Variants in ATXN2 observed in about 807,000 individuals in gnomAD.
ATXN2 encodes ataxin-2.
In ATXN2, 37 loss-of-function variants were observed where a neutral mutation model predicts 138.6. The ratio of observed to expected loss-of-function variants is 0.27; its 90% CI spans 0.21 to 0.35. ATXN2 has a LOEUF of 0.35. ATXN2 is among the 10% of genes least tolerant of loss of function. The probability of loss-of-function intolerance (pLI) is 1.00; values close to 1 mark genes in which losing one functional copy is unlikely to be tolerated. For synonymous variants in ATXN2, 549 were observed against 543.7 expected (o/e 1.01, Z -0.13); for missense variants, 1,216 against 1,480.3 (o/e 0.82, Z 2.93).
Position 111,516,474 on chromosome 12 carries a change from A to C in ATXN2, c.1166-111T>G. 1 of 1,034,602 alleles carries C rather than the reference A, an allele frequency of 9.7e-7. No individual in the cohort carries two copies. Among genetic ancestry groups the C allele is most frequent in the South Asian group, 1.6e-5 (1 of 61,084 alleles). The allele number at this position is 1,034,602 out of a possible 1,614,324, so 64.1% of individuals were successfully genotyped here. ...CAAAAATGATTTCTTGTACATTTTA[A>C]CCCTTTGAGGACAGTCATTTGATTT... On this transcript the variant is annotated intron_variant, in intron 9 of 24. Transcript: ENST00000673436. The surrounding 1 kb of genome is among the most constrained non-coding windows in gnomAD (Gnocchi z 5.0).
chr12:111,488,504 C>T lies in ATXN2; in HGVS notation c.2212G>A (p.Asp738Asn), dbSNP rs374319477. ...GCTGCGTCTTTCTTCTCTTCCTTAT[C>T]GTCTTTCTCTTGTTTACATGCTGGG... is the stretch of plus-strand genomic sequence containing the variant. The part of the protein sequence containing the change: ...SSPACKQEKD[D>N]KEEKKDAAEQ... Residue 738 changes from aspartate (D) to asparagine (N), a missense_variant, in exon 15 of 25, where the codon GAT becomes AAT. Around this residue, in one of 4 missense-constraint regions of ATXN2, gnomAD observed 490 missense variants for 653.5 expected, o/e 0.75. Transcript: ENST00000673436. 9.9e-6 allele frequency: 16 copies of T among 1,613,010 alleles called. No individual in the cohort carries two copies. The highest frequency in any genetic ancestry group is 2.2e-5 in the East Asian group (1 of 44,872).
chr12:111,598,975 C>A lies in ATXN2; in HGVS notation c.60G>T (p.Gln20His). The A allele has an allele frequency of 8.2e-7, 1 of 1,218,492 alleles. No homozygotes were observed. The highest frequency in any genetic ancestry group is 1.1e-6 in the Non-Finnish European group (1 of 912,546). The allele number at this position is 1,218,492 out of a possible 1,614,324, so 75.5% of individuals were successfully genotyped here. Residue 20 changes from glutamine to histidine, a missense_variant, in exon 1 of 25, where the codon CAG becomes CAT. Around this residue, in one of 4 missense-constraint regions of ATXN2, gnomAD observed 110 missense variants for 88.7 expected, o/e 1.24. Transcript: ENST00000673436. The surrounding 1 kb of genome is among the most constrained non-coding windows in gnomAD (Gnocchi z 4.5). ...QQQQQQQQQQQQQQQQQQQPP... is the reference protein window; with the variant it reads ...QQQQQQQQQQHQQQQQQQQPP... Reference sequence around the variant, plus strand: ...GCTGCTGCTGCTGCTGCTGCTGCTGCTGTTGCTGCTGCTGCTGCTGCTGCT... The same window carrying A: ...GCTGCTGCTGCTGCTGCTGCTGCTGATGTTGCTGCTGCTGCTGCTGCTGCT...
chr12:111,525,215 G>A lies in ATXN2; in HGVS notation c.673C>T (p.Leu225Phe). 6.2e-7 allele frequency: 1 copy of A among 1,612,092 alleles called. No individual in the cohort carries two copies. Among genetic ancestry groups the A allele is most frequent in the Non-Finnish European group, 8.5e-7 (1 of 1,179,560 alleles). Reference protein sequence around the residue: ...DAGELTANEELEALENDVSNG... With the variant: ...DAGELTANEEFEALENDVSNG... ...ACTACGTCATTTTCCAAAGCCTCAA[G>A]TTCCTCATTGGCTGTGAGTTCACCT... The change falls in exon 6 of 25, where the codon CTT becomes TTT. Residue 225 changes from leucine to phenylalanine, a missense_variant. This residue lies in a region of ATXN2 where 401 missense variants were observed against 528.1 expected (regional missense o/e 0.76). Coordinates refer to ENST00000673436, the MANE Select transcript of ATXN2 (RefSeq NM_001372574.1).
At chr12:111,535,894 G>T (rs1469005076) in intron 5 of ATXN2, among the ~76,000 whole-genome samples, 1 of 150,518 alleles carries the variant, frequency 6.6e-6, no homozygotes, top group Non-Finnish European at 1.5e-5. Flanking sequence ...CAGCTACTTG[G>T]GAGGCTGAGG....
At chr12:111,578,211 G>A (rs1287803589) in intron 1 of ATXN2, among the ~76,000 whole-genome samples, 1 of 152,038 alleles carries the variant, frequency 6.6e-6, no homozygotes, top group Non-Finnish European at 1.5e-5. Flanking sequence ...AACAAAATAA[G>A]AAAGATATTT....
Position 111,519,859 on chromosome 12 carries a change from T to A in ATXN2, c.986+20A>T, listed in dbSNP as rs373233037. The A allele has an allele frequency of 3.1e-6, 5 of 1,614,022 alleles. No homozygotes were observed. The African/African-American group carries it at 6.7e-5, about 22-fold the overall frequency. On this transcript the variant is annotated intron_variant, in intron 8 of 24. Coordinates refer to ENST00000673436, the MANE Select transcript of ATXN2 (RefSeq NM_001372574.1). Reference sequence around the variant, plus strand: ...TGAGTTGTGTATCCAAAATACTGCATCATGATTTCCTTTAAATACCTAGTG... The same window carrying A: ...TGAGTTGTGTATCCAAAATACTGCAACATGATTTCCTTTAAATACCTAGTG...
intron 1 of ATXN2, among the ~76,000 whole-genome samples, chr12:111,597,292 G>C (rs1393714293): frequency 6.6e-6 from 1 of 152,204 alleles, no homozygotes; most frequent in Non-Finnish European, 1.5e-5. Context: ...GAAATGGGTT[G>C]CTGAAAATGT....
rs924729351 is a variant in ATXN2, at chr12:111,576,775, C to T, written c.252-20856G>A. 3.3e-5 allele frequency among the ~76,000 whole-genome samples: 5 copies of T among 150,956 alleles called. 1 individual carries two copies. Among genetic ancestry groups the T allele is most frequent in the Admixed American group, 1.3e-4 (2 of 15,076 alleles). On this transcript the variant is annotated intron_variant, in intron 1 of 24. Coordinates refer to ENST00000673436, the MANE Select transcript of ATXN2 (RefSeq NM_001372574.1). ...GAGTTCGAGACCATCCCAGATAACA[C>T]GGCGAAACCCCATCTCTACTAAAAA...
At chr12:111,530,864 G>A (rs960764598) in intron 5 of ATXN2, among the ~76,000 whole-genome samples, 31 of 152,038 alleles carry the variant, frequency 2.0e-4, no homozygotes, top group Non-Finnish European at 3.7e-4. Context: ...AGTGGCTGAC[G>A]CCTGTAATCC....
chr12:111,542,403 G>C (rs969150321), intron 5 of ATXN2, among the ~76,000 whole-genome samples: 1 of 151,434 alleles, frequency 6.6e-6, no homozygotes, highest in African/African-American at 2.4e-5. Flanking sequence ...GCTAATTTTT[G>C]TATTTTTAGT....
At chr12:111,456,481 C>G (rs956454204) in intron 22 of ATXN2, among the ~76,000 whole-genome samples, 23 of 152,160 alleles carry the variant, frequency 1.5e-4, no homozygotes, top group African/African-American at 5.1e-4. Flanking sequence ...TTAGAAACTT[C>G]TGAGCATACA....
chr12:111,470,442 T>A lies in ATXN2; in HGVS notation c.2709+116A>T. ...ATATTGAAAAGGGTCCCCAAGTCCTTAGCTATCTACCCTACCATCACACAA... is the reference window on the plus strand; with the variant it reads ...ATATTGAAAAGGGTCCCCAAGTCCTAAGCTATCTACCCTACCATCACACAA... On this transcript the variant is annotated intron_variant, in intron 19 of 24. Coordinates refer to ENST00000673436, the MANE Select transcript of ATXN2 (RefSeq NM_001372574.1). 2.4e-6 allele frequency: 3 copies of A among 1,257,230 alleles called. 1 individual carries two copies. In the South Asian group the frequency reaches 4.4e-5, roughly 19 times the overall value. The allele number at this position is 1,257,230 out of a possible 1,614,324, so 77.9% of individuals were successfully genotyped here.
intron 18 of ATXN2, among the ~76,000 whole-genome samples, chr12:111,482,359 T>TAAAAA (rs1877304576): frequency 6.6e-6 from 1 of 151,950 alleles, no homozygotes; most frequent in South Asian, 2.1e-4. Flanking sequence ...CACGCTCAGC[T>TAAAAA]AATTGTTTGT....
Position 111,510,288 on chromosome 12 carries a change from T to C in ATXN2, c.1756+97A>G. Reference sequence around the variant, plus strand: ...AATGTGCACTAAAAATACTTGTCTATGAATAAAAATAACCTAGAATTTTTT... The same window carrying C: ...AATGTGCACTAAAAATACTTGTCTACGAATAAAAATAACCTAGAATTTTTT... On this transcript the variant is annotated intron_variant, in intron 12 of 24. Coordinates refer to ENST00000673436, the MANE Select transcript of ATXN2 (RefSeq NM_001372574.1). The C allele has an allele frequency of 5.3e-6, 7 of 1,324,058 alleles. No homozygotes were observed. In the South Asian group the frequency reaches 9.9e-5, roughly 19 times the overall value. The allele number at this position is 1,324,058 out of a possible 1,614,324, so 82.0% of individuals were successfully genotyped here.
At chr12:111,534,901 G>A (rs1376443250) in intron 5 of ATXN2, among the ~76,000 whole-genome samples, 1 of 152,098 alleles carries the variant, frequency 6.6e-6, no homozygotes, top group Non-Finnish European at 1.5e-5. Context: ...TGGGGAGGCT[G>A]AGATGGGAGG....
In ATXN2 at chr12:111,598,002, G is replaced by A. The variant is rs1885022109; in HGVS notation, c.251+782C>T. ...CCGCGCGCCGGAGAGGTCTGGCGGG[G>A]GAAGGAGGAAGGCCGGGACGGGGCC... On this transcript the variant is annotated intron_variant, in intron 1 of 24. Transcript: ENST00000673436. This position sits in a 1 kb window ranked among gnomAD's most constrained non-coding sequence, Gnocchi z 4.5. 3 of 1,197,892 alleles carry A rather than the reference G, an allele frequency of 2.5e-6. No homozygotes were observed. The South Asian group carries it at 4.5e-5, about 18-fold the overall frequency. 74.2% of individuals were successfully genotyped at this position (1,197,892 alleles called of 1,614,324 possible). A position where few individuals can be genotyped will look rare whatever the true frequency, so the allele number is the denominator to read the frequency against.
intron 5 of ATXN2, among the ~76,000 whole-genome samples, chr12:111,530,650 T>C (rs528982706): frequency 1.1e-3 from 175 of 152,212 alleles, no homozygotes; most frequent in Non-Finnish European, 2.0e-3. Flanking sequence ...CCATCTCTAC[T>C]AAAAATACAA....
chr12:111,582,978 T>G (rs1029223244), intron 1 of ATXN2, among the ~76,000 whole-genome samples: 4 of 108,706 alleles, frequency 3.7e-5, no homozygotes, highest in Admixed American at 1.0e-4. Context: ...AGTATCTCAG[T>G]TTTTTTTTTT....
At chr12:111,579,504 C>T (rs1211263951) in intron 1 of ATXN2, among the ~76,000 whole-genome samples, 2 of 151,906 alleles carry the variant, frequency 1.3e-5, no homozygotes, top group Non-Finnish European at 2.9e-5. Context: ...TTAGGTGATC[C>T]GCCTGCCTCG....
Sources: allele counts gnomAD v4.1 joint callset (sites outside exome capture counted in the v4.1 genomes callset), GRCh38; gene constraint gnomAD v4.1.1; regional missense constraint gnomAD v4.1.1; non-coding constraint Gnocchi (gnomAD v3.1); transcripts MANE v1.5; gene names NCBI Gene and HGNC (gene_info 2026-07-23, HGNC 2026-07-21).